The following DNAJC2 variants were observed in gnomAD, a reference collection of about 807,000 sequenced individuals.
DNAJC2 encodes the protein dnaJ homolog subfamily C member 2.
Under a neutral mutation model 94.0 loss-of-function variants are expected in DNAJC2, and 32 were observed. The ratio of observed to expected loss-of-function variants is 0.34; its 90% CI spans 0.26 to 0.46. DNAJC2 has a LOEUF of 0.46. Among genes scored for constraint, DNAJC2 ranks in the 20% least tolerant of loss-of-function variants. The pLI is 1.00. For synonymous variants in DNAJC2, 210 were observed against 229.7 expected (o/e 0.91, Z 0.77); for missense variants, 550 against 719.5 (o/e 0.76, Z 2.69).
chr7:103,326,463 G>T, intron 5 of DNAJC2, 80 bp downstream of exon 5: 1 of 1,372,440 alleles, frequency 7.3e-7, no homozygotes, highest in Non-Finnish European at 1.0e-6. Flanking sequence ...ACTATTATCA[G>T]AGGGAAAGAG....
intron 5 of DNAJC2, among the ~76,000 whole-genome samples, 157 bp downstream of exon 5, chr7:103,326,386 G>T (rs1818707541): frequency 1.3e-5 from 2 of 152,322 alleles, no homozygotes; most frequent in Non-Finnish European, 1.5e-5. Context: ...AAGTTCACCA[G>T]AAGGGCTGAA....
At chr7:103,344,391 G>A (rs1819515147) in intron 1 of DNAJC2, 168 bp downstream of exon 1, 1 of 680,518 alleles carries the variant, frequency 1.5e-6, no homozygotes, top group Non-Finnish European at 2.5e-6. Flanking sequence ...TCTAATCTAG[G>A]GTAGGATTAC....
In DNAJC2 at chr7:103,326,736, C is replaced by T. The variant is rs552302478; in HGVS notation, c.431-52G>A. On this transcript the variant is annotated intron_variant, in intron 4 of 16. Coordinates refer to ENST00000379263, the MANE Select transcript of DNAJC2 (RefSeq NM_014377.3). Reference sequence around the variant, plus strand: ...TCACCATAACTTTACCTATTTTTTCCTGCAAGAAAACAAGTATTTCCCTCC... The same window carrying T: ...TCACCATAACTTTACCTATTTTTTCTTGCAAGAAAACAAGTATTTCCCTCC... 6.3e-4 allele frequency: 956 copies of T among 1,524,718 alleles called. 5 individuals carry two copies. The highest frequency in any genetic ancestry group is 4.7e-3 in the Middle Eastern group (25 of 5,288). The allele number at this position is 1,524,718 out of a possible 1,614,324, so 94.4% of individuals were successfully genotyped here. A position where few individuals can be genotyped will look rare whatever the true frequency, so the allele number is the denominator to read the frequency against.
At chr7:103,321,694 A>G (rs574529141) in intron 10 of DNAJC2, among the ~76,000 whole-genome samples, 2 of 151,840 alleles carry the variant, frequency 1.3e-5, no homozygotes, top group Non-Finnish European at 2.9e-5. Flanking sequence ...CTAAAAATAC[A>G]AAAAATTAGC....
rs1818098873 is a variant in DNAJC2 at position 103,316,999 on chromosome 7, C to A, written c.1258G>T (p.Glu420Ter). The change falls in exon 13 of 17, where the codon GAG becomes TAG. Residue 420 changes from glutamate to a stop codon, truncating the protein, a stop_gained. Coordinates refer to ENST00000379263, the MANE Select transcript of DNAJC2 (RefSeq NM_014377.3). LOFTEE classifies it high-confidence loss of function. Reference protein sequence around the residue: ...ALEKQIEEINEQIRKEKEEAE... With the variant: ...ALEKQIEEIN ...TCCTCTTTCTCTTTTCTGATTTGCT[C>A]ATTTATTTCTTCTATCTGCACAAAT... The A allele has an allele frequency of 6.2e-7, 1 of 1,613,098 alleles. No individual in the cohort carries two copies. Among genetic ancestry groups the A allele is most frequent in the African/African-American group, 1.3e-5 (1 of 74,830 alleles).
intron 3 of DNAJC2, chr7:103,329,162 C>G: frequency 3.0e-6 from 1 of 338,818 alleles, no homozygotes; most frequent in Non-Finnish European, 5.6e-6. Context: ...CTGTGTGTCA[C>G]TTACAATTAA....
chr7:103,323,599 A>G lies in DNAJC2; in HGVS notation c.718T>C (p.Cys240Arg). Residue 240 changes from cysteine to arginine, a missense_variant and splice_region_variant, in exon 7 of 17, where the codon TGT (cysteine) becomes CGT (arginine). Physicochemically the swap from Cys to Arg is radical, Grantham distance 180 (BLOSUM62 -3). Around this residue, in one of 2 missense-constraint regions of DNAJC2, gnomAD observed 279 missense variants for 416.9 expected, o/e 0.67. Transcript: ENST00000379263. ...ATTATTAATGATTTGCATACATACC[A>G]TTCTGCTTTTTCTTTTTCTTCTTCA... ...LDEEEKEKAE[C>R]RDERRWIEKQ... 1 of 1,473,490 alleles carries G rather than the reference A, an allele frequency of 6.8e-7. No individual in the cohort carries two copies. Among genetic ancestry groups the G allele is most frequent in the Non-Finnish European group, 9.2e-7 (1 of 1,087,378 alleles). 91.3% of individuals were successfully genotyped at this position (1,473,490 alleles called of 1,614,324 possible).
intron 3 of DNAJC2, among the ~76,000 whole-genome samples, chr7:103,331,496 C>G (rs1818969392): frequency 6.6e-6 from 1 of 152,174 alleles, no homozygotes; most frequent in African/African-American, 2.4e-5. Flanking sequence ...ACCAACCTCT[C>G]TTTATCCCTC....
intron 5 of DNAJC2, among the ~76,000 whole-genome samples, chr7:103,325,446 A>T (rs1477862285): frequency 2.1e-5 from 2 of 94,826 alleles, no homozygotes; most frequent in East Asian, 4.4e-4. Context: ...CAAAATAAAA[A>T]AGGAAAAAAA....
Position 103,312,492 on chromosome 7 carries a change from A to T in DNAJC2, c.*77T>A. 1.9e-6 allele frequency: 3 copies of T among 1,571,746 alleles called. No homozygotes were observed. Among genetic ancestry groups the T allele is most frequent in the Non-Finnish European group, 2.6e-6 (3 of 1,163,596 alleles). ...AGCAGCATACTTTCAAATTATTACCATGAGTATAATTTTAAGAATGAAAAT... is the reference window on the plus strand; with the variant it reads ...AGCAGCATACTTTCAAATTATTACCTTGAGTATAATTTTAAGAATGAAAAT... On this transcript the variant is annotated 3_prime_UTR_variant, in exon 17 of 17. Coordinates refer to ENST00000379263, the MANE Select transcript of DNAJC2 (RefSeq NM_014377.3).
At chr7:103,324,777 G>A in intron 5 of DNAJC2, 1 of 317,508 alleles carries the variant, frequency 3.1e-6, no homozygotes, top group Non-Finnish European at 5.7e-6. Context: ...AGACTGGGGT[G>A]AGGAGAGAAA....
At chr7:103,342,608 C>T (rs1819419035) in intron 1 of DNAJC2, among the ~76,000 whole-genome samples, 1 of 145,624 alleles carries the variant, frequency 6.9e-6, no homozygotes, top group Non-Finnish European at 1.5e-5. Context: ...CCCACCTGGA[C>T]AATTTTTTTT....
rs777447492 is a variant in DNAJC2 at position 103,324,474 on chromosome 7, TCA to T, written c.653+6_653+7del. 6.7e-7 allele frequency: 1 copy of T among 1,486,358 alleles called. No individual in the cohort carries two copies. Among genetic ancestry groups the T allele is most frequent in the Admixed American group, 2.4e-5 (1 of 41,164 alleles). The allele number at this position is 1,486,358 out of a possible 1,614,324, so 92.1% of individuals were successfully genotyped here. On this transcript the variant is annotated splice_donor_region_variant and intron_variant, in intron 6 of 16. Transcript: ENST00000379263. ...TGACAGCATCATACAAACAGTATAT[TCA>T]CTTACCAGAAAGAATAAAATATATC...
intron 2 of DNAJC2, among the ~76,000 whole-genome samples, chr7:103,340,004 A>G (rs1819317278): frequency 6.6e-6 from 1 of 151,842 alleles, no homozygotes; most frequent in Admixed American, 6.6e-5. Flanking sequence ...ACGCCTGGCT[A>G]ATTTTGTATT....
intron 15 of DNAJC2, chr7:103,313,897 T>A: frequency 1.0e-6 from 1 of 985,430 alleles, no homozygotes; most frequent in Non-Finnish European, 1.2e-6. Flanking sequence ...AATTTAGTTA[T>A]TTCAGACTAT....
intron 2 of DNAJC2, 21 bp from the exon 3 acceptor site, chr7:103,337,832 G>T: frequency 1.3e-6 from 2 of 1,597,072 alleles, no homozygotes; most frequent in Non-Finnish European, 1.7e-6. Flanking sequence ...AACACAAAAG[G>T]GAGTCAAATT....
At chr7:103,320,830 C>CTTTT (rs745754898) in intron 10 of DNAJC2, 18 of 113,788 alleles carry the variant, frequency 1.6e-4, no homozygotes, top group East Asian at 2.7e-4. Context: ...CTCAGCATGT[C>CTTTT]TTTTTTTTTT....
intron 3 of DNAJC2, chr7:103,329,519 T>C (rs1341074016): frequency 6.6e-6 from 1 of 152,270 alleles, no homozygotes; most frequent in Non-Finnish European, 1.5e-5. Flanking sequence ...TGTAATTTCT[T>C]CTAGTACTTA....
At position 103,337,907 on chromosome 7, in the gene DNAJC2, A is replaced by G. The variant is rs1175140466; in HGVS notation, c.256-96T>C. ...ACCTTAATAAGCATTTCCCAAAGTG[A>G]CATTTCATCAGGAGTCCAGTAAGAG... On this transcript the variant is annotated intron_variant, in intron 2 of 16. Coordinates refer to ENST00000379263, the MANE Select transcript of DNAJC2 (RefSeq NM_014377.3). The G allele has an allele frequency of 7.0e-6, 6 of 862,538 alleles. 1 individual carries two copies. Among genetic ancestry groups the G allele is most frequent in the Non-Finnish European group, 9.3e-6 (5 of 535,262 alleles). 53.4% of individuals were successfully genotyped at this position (862,538 alleles called of 1,614,324 possible).
Sources: gnomAD v4.1 joint callset for allele counts (sites outside exome capture counted in the v4.1 genomes callset) on GRCh38, gnomAD v4.1.1 for gene constraint, gnomAD v4.1.1 regional missense constraint, MANE v1.5 for transcripts, NCBI Gene and HGNC (gene_info 2026-07-23, HGNC 2026-07-21) for gene names.